RAB11FIP2: variants seen among roughly 807,000 people sequenced by gnomAD.
RAB11FIP2 encodes rab11 family-interacting protein 2.
A neutral mutation model predicts 40.9 loss-of-function variants in RAB11FIP2; 16 were observed. The ratio of observed to expected loss-of-function variants is 0.39; its 90% CI spans 0.26 to 0.59. The LOEUF is 0.59. Ranked by LOEUF, RAB11FIP2 falls within the 20% of genes least tolerant of loss-of-function variation. RAB11FIP2 has a pLI of 0.53. For missense variants in RAB11FIP2, 532 were observed against 606.2 expected (o/e 0.88, Z 1.28); for synonymous variants, 228 against 213.7 (o/e 1.07, Z -0.58).
chr10:118,017,608 T>C (rs1344191006), intron 3 of RAB11FIP2: 1 of 151,972 alleles, frequency 6.6e-6, no homozygotes, highest in Non-Finnish European at 1.5e-5. Context: ...CCCATAAAGG[T>C]TCTGATGACG....
chr10:118,030,326 C>T (rs1846397428), intron 3 of RAB11FIP2, among the ~76,000 whole-genome samples: 1 of 152,072 alleles, frequency 6.6e-6, no homozygotes, highest in South Asian at 2.1e-4. Context: ...TATCAGAAAC[C>T]TCAAGAGGGC....
At chr10:118,035,711 T>C (rs11815484) in intron 3 of RAB11FIP2, among the ~76,000 whole-genome samples, 7,362 of 152,092 alleles carry the variant, frequency 0.048, 570 homozygotes, top group African/African-American at 0.17. Flanking sequence ...CTCTTCATGG[T>C]AGTGGGCAAA....
intron 4 of RAB11FIP2, 63 bp downstream of exon 4, chr10:118,015,002 T>C (rs1846199006): frequency 2.9e-6 from 4 of 1,402,504 alleles, no homozygotes; most frequent in Non-Finnish European, 4.0e-6. Flanking sequence ...TTTTTAGAAA[T>C]GTGTGCCAGA....
At chr10:118,020,342 A>C (rs74161137) in intron 3 of RAB11FIP2, among the ~76,000 whole-genome samples, 3,559 of 152,296 alleles carry the variant, frequency 0.023, 132 homozygotes, top group African/African-American at 0.081. Flanking sequence ...GATTCAGAAA[A>C]GTCTTAGATT....
intron 4 of RAB11FIP2, 32 bp downstream of exon 4, chr10:118,015,033 T>C (rs764362317): frequency 7.7e-6 from 12 of 1,564,220 alleles, no homozygotes; most frequent in East Asian, 2.3e-5. Context: ...AGCTTACTCT[T>C]TGACAACCCT....
chr10:118,038,442 T>C (rs1198268879), intron 3 of RAB11FIP2, among the ~76,000 whole-genome samples: 1 of 152,064 alleles, frequency 6.6e-6, no homozygotes, highest in Non-Finnish European at 1.5e-5. Flanking sequence ...ACAGAACCCA[T>C]GAGGGTTACT....
intron 3 of RAB11FIP2, among the ~76,000 whole-genome samples, chr10:118,018,878 A>G (rs1278050629): frequency 6.6e-6 from 1 of 152,162 alleles, no homozygotes; most frequent in Non-Finnish European, 1.5e-5. Flanking sequence ...TCACTACGGC[A>G]TGTGGCAGAG....
Position 118,024,764 on chromosome 10 carries a change from AC to A in RAB11FIP2, c.1266-9655del, listed in dbSNP as rs371286458. 9.4e-3 allele frequency among the ~76,000 whole-genome samples: 1,426 copies of A among 152,096 alleles called. 9 individuals are homozygous for A. Among genetic ancestry groups the A allele is most frequent in the Middle Eastern group, 0.017 (5 of 294 alleles). On this transcript the variant is annotated intron_variant, in intron 3 of 4. Transcript: ENST00000355624. ...TGAAAAAAGACAGACGGCCCACAAC[AC>A]CCTGGCCAAAAGCATCCCAAGCTGG...
At chr10:118,022,524 A>T (rs1324372297) in intron 3 of RAB11FIP2, among the ~76,000 whole-genome samples, 1 of 152,212 alleles carries the variant, frequency 6.6e-6, no homozygotes, top group East Asian at 1.9e-4. Context: ...ATGCCAAGGA[A>T]CAATCTACTT....
At position 118,008,949 on chromosome 10, in the gene RAB11FIP2, T is replaced by C. The variant is rs567851154; in HGVS notation, c.*49A>G. The stretch of plus-strand genomic sequence containing the variant: ...TAACAAGTTTTTCCTTCCTTCCTTC[T>C]TTCTTTCTCTCTCTTTGTCCAATTA... On this transcript the variant is annotated 3_prime_UTR_variant, in exon 5 of 5. Transcript: ENST00000355624. 6.8e-7 allele frequency: 1 copy of C among 1,463,100 alleles called. No individual in the cohort carries two copies. Among genetic ancestry groups the C allele is most frequent in the East Asian group, 2.3e-5 (1 of 44,200 alleles). 90.6% of individuals were successfully genotyped at this position (1,463,100 alleles called of 1,614,324 possible). A position where few individuals can be genotyped will look rare whatever the true frequency, so the allele number is the denominator to read the frequency against.
chr10:118,033,398 A>T (rs1278273670), intron 3 of RAB11FIP2, among the ~76,000 whole-genome samples: 2 of 152,124 alleles, frequency 1.3e-5, no homozygotes, highest in Admixed American at 1.3e-4. Flanking sequence ...AAGAAAGAGG[A>T]TTCTGCACAA....
chr10:118,011,280 C>T (rs1235183110), intron 4 of RAB11FIP2, among the ~76,000 whole-genome samples: 1 of 152,034 alleles, frequency 6.6e-6, no homozygotes, highest in Non-Finnish European at 1.5e-5. Flanking sequence ...TCCTTAAAAA[C>T]ATTTCAAATA....
intron 3 of RAB11FIP2, among the ~76,000 whole-genome samples, chr10:118,016,108 C>G (rs1056492420): frequency 5.3e-5 from 8 of 152,174 alleles, no homozygotes; most frequent in Admixed American, 3.9e-4. Flanking sequence ...ACAAATCCTA[C>G]GCTCTAAGAT....
chr10:118,046,079 C>G lies in RAB11FIP2; in HGVS notation c.85G>C (p.Gly29Arg). 6.2e-7 allele frequency: 1 copy of G among 1,614,214 alleles called. No homozygotes were observed. The highest frequency in any genetic ancestry group is 8.5e-7 in the Non-Finnish European group (1 of 1,180,044). Residue 29 changes from glycine to arginine, a missense_variant, in exon 1 of 5, where the codon GGC (glycine) becomes CGC (arginine). Coordinates refer to ENST00000355624, the MANE Select transcript of RAB11FIP2 (RefSeq NM_014904.3). The stretch of plus-strand genomic sequence containing the variant: ...TATGTGTCATTGGTACCACTTTTGC[C>G]TTTTGGCTTCAGATCTTTGGCTTGG... ...VLQAKDLKPK[G>R]KSGTNDTYTI...
At chr10:118,033,800 G>A (rs1846447441) in intron 3 of RAB11FIP2, among the ~76,000 whole-genome samples, 1 of 152,070 alleles carries the variant, frequency 6.6e-6, no homozygotes, top group Admixed American at 6.6e-5. Flanking sequence ...CACAACGAAA[G>A]GTACTACAGC....
intron 3 of RAB11FIP2, among the ~76,000 whole-genome samples, chr10:118,025,966 T>C (rs1846337949): frequency 6.6e-6 from 1 of 152,238 alleles, no homozygotes; most frequent in African/African-American, 2.4e-5. Flanking sequence ...ACACATTCTA[T>C]ATCTACCTGC....
chr10:118,008,840 G>A lies in RAB11FIP2; in HGVS notation c.*158C>T. 3.2e-6 allele frequency: 2 copies of A among 634,472 alleles called. No homozygotes were observed. Among genetic ancestry groups the A allele is most frequent in the South Asian group, 4.0e-5 (2 of 49,788 alleles). The allele number at this position is 634,472 out of a possible 1,614,324, so 39.3% of individuals were successfully genotyped here. On this transcript the variant is annotated 3_prime_UTR_variant, in exon 5 of 5. Transcript: ENST00000355624. ...CTTGCTTCAAAGGTCACTCTTGATA[G>A]TCCCTGCTAATATTTACAGGTAAAA... is the stretch of plus-strand genomic sequence containing the variant.
At chr10:118,018,420 G>A (rs1032609988) in intron 3 of RAB11FIP2, 1 of 152,160 alleles carries the variant, frequency 6.6e-6, no homozygotes, top group Non-Finnish European at 1.5e-5. Context: ...GGAAAATGGT[G>A]TTTTTAATCA....
In RAB11FIP2 at chr10:118,039,229, C is replaced by G; in HGVS notation, c.1008G>C (p.Met336Ile). 1 of 1,613,674 alleles carries G rather than the reference C, an allele frequency of 6.2e-7. No individual in the cohort carries two copies. The highest frequency in any genetic ancestry group is 8.5e-7 in the Non-Finnish European group (1 of 1,179,764). ...TTTCAATTGGTTTTGAAAATAAATT[C>G]ATGCTGCTGTCCCATGTTTCGCTGC... ...EESSETWDSS[M>I]NLFSKPIEIR... is the part of the protein sequence containing the mutation. Residue 336 changes from methionine (M) to isoleucine (I), a missense_variant, in exon 3 of 5, where the codon ATG becomes ATC. Transcript: ENST00000355624.
Sources: gnomAD v4.1 joint callset for allele counts (sites outside exome capture counted in the v4.1 genomes callset) on GRCh38, gnomAD v4.1.1 for gene constraint, MANE v1.5 for transcripts, NCBI Gene and HGNC (gene_info 2026-07-23, HGNC 2026-07-21) for gene names.